Variants in SPRR2G observed in about 807,000 individuals in gnomAD.
The protein encoded by SPRR2G is small proline rich protein 2G, also known as small proline-rich protein 2G.
SPRR2G carries 1 observed loss-of-function variant against 0.7 expected under a neutral mutation model. The observed-to-expected ratio is 1.49, with a 90% CI of 0.53 to 7.06. The LOEUF (loss-of-function observed/expected upper bound fraction) is 7.06, where lower values mean the gene tolerates loss of function less well. SPRR2G is among the 30% of genes most tolerant of loss of function. The probability of loss-of-function intolerance (pLI) is 0.14; values close to 1 mark genes in which losing one functional copy is unlikely to be tolerated. For synonymous variants in SPRR2G, 38 were observed against 33.9 expected (o/e 1.12, Z -0.42); for missense variants, 96 against 88.5 (o/e 1.09, Z -0.34).
chr1:153,189,054 C>T, the SPRR2G span, among the ~76,000 whole-genome samples: 1 of 152,340 alleles, frequency 6.6e-6, no homozygotes, highest in Admixed American at 6.5e-5. Flanking sequence ...CTGCCTTCTG[C>T]GTTGGTCTTG....
the SPRR2G span, among the ~76,000 whole-genome samples, chr1:153,183,333 C>T: frequency 1.3e-4 from 19 of 151,752 alleles, no homozygotes; most frequent in African/African-American, 3.4e-4. Context: ...GTGATCCACC[C>T]GCCTCAGCCT....
At chr1:153,194,851 T>C in the SPRR2G span, among the ~76,000 whole-genome samples, 1 of 152,174 alleles carries the variant, frequency 6.6e-6, no homozygotes, top group African/African-American at 2.4e-5. Flanking sequence ...GAGGCAACCA[T>C]GGCTTTGATC....
chr1:153,167,876 T>G, the SPRR2G span, among the ~76,000 whole-genome samples: 189 of 152,356 alleles, frequency 1.2e-3, 1 homozygote, highest in Non-Finnish European at 2.2e-3. Flanking sequence ...AAAAATACAT[T>G]TTATTTAATC....
the SPRR2G span, among the ~76,000 whole-genome samples, chr1:153,185,173 T>A: frequency 2.0e-5 from 3 of 152,138 alleles, no homozygotes; most frequent in Non-Finnish European, 4.4e-5. Context: ...TTTCTTTTTT[T>A]GTTGTGTCTC....
At chr1:153,183,535 T>G in the SPRR2G span, among the ~76,000 whole-genome samples, 1 of 152,226 alleles carries the variant, frequency 6.6e-6, no homozygotes, top group Non-Finnish European at 1.5e-5. Context: ...AAGTGTCTGT[T>G]CATATCCTTT....
the SPRR2G span, among the ~76,000 whole-genome samples, chr1:153,168,055 C>T: frequency 6.6e-6 from 1 of 152,072 alleles, no homozygotes; most frequent in African/African-American, 2.4e-5. Context: ...GTAGTGTCTC[C>T]ATCAAAGAAG....
chr1:153,160,556 T>G, the SPRR2G span, among the ~76,000 whole-genome samples: 2 of 152,338 alleles, frequency 1.3e-5, no homozygotes, highest in Non-Finnish European at 2.9e-5. Context: ...TCATCAACAC[T>G]TGTTATCCTT....
At chr1:153,152,128 G>T (rs1656483544), upstream of SPRR2G, among the ~76,000 whole-genome samples, 1 of 152,176 alleles carries the variant, frequency 6.6e-6, no homozygotes, top group Admixed American at 6.5e-5. Flanking sequence ...ACATTACATA[G>T]TGGGTCTTCT....
upstream of SPRR2G, among the ~76,000 whole-genome samples, chr1:153,151,763 G>C (rs772146089): frequency 1.2e-3 from 177 of 152,092 alleles, no homozygotes; most frequent in Non-Finnish European, 2.2e-3. Flanking sequence ...AGGATTTCAG[G>C]CTTTCTTTGC....
At chr1:153,178,766 A>G in the SPRR2G span, among the ~76,000 whole-genome samples, 1 of 152,122 alleles carries the variant, frequency 6.6e-6, no homozygotes, top group African/African-American at 2.4e-5. Context: ...TCAAGTTTCA[A>G]TATCAGGGCT....
the SPRR2G span, among the ~76,000 whole-genome samples, chr1:153,157,904 T>A: frequency 1.1e-5 from 1 of 87,546 alleles, no homozygotes; most frequent in African/African-American, 4.6e-5. Flanking sequence ...TCTTACATGG[T>A]GGCAGGAGAC....
the SPRR2G span, among the ~76,000 whole-genome samples, chr1:153,185,924 C>T: frequency 2.0e-5 from 3 of 152,152 alleles, no homozygotes; most frequent in Admixed American, 1.3e-4. Flanking sequence ...CCTTTGTCCT[C>T]ATTGGTTTCA....
chr1:153,149,813 G>C lies in SPRR2G; in HGVS notation c.*76C>G, dbSNP rs1454319024. The C allele has an allele frequency of 1.3e-6, 2 of 1,557,604 alleles. No individual in the cohort carries two copies. Among genetic ancestry groups the C allele is most frequent in the Admixed American group, 1.7e-5 (1 of 58,440 alleles). ...TGCAGCCTCCCACTACAGCTGAAGG[G>C]AAGATGATGGAGTCCTGGGAGTAAG... On this transcript the variant is annotated 3_prime_UTR_variant, in exon 2 of 2. Coordinates refer to ENST00000368748, the MANE Select transcript of SPRR2G (RefSeq NM_001014291.4).
the SPRR2G span, among the ~76,000 whole-genome samples, chr1:153,178,872 G>T: frequency 6.6e-6 from 1 of 152,104 alleles, no homozygotes; most frequent in Non-Finnish European, 1.5e-5. Context: ...TAAGTGTGTG[G>T]TATAATTCAC....
At chr1:153,186,102 T>C in the SPRR2G span, among the ~76,000 whole-genome samples, 10 of 152,212 alleles carry the variant, frequency 6.6e-5, no homozygotes, top group African/African-American at 2.4e-4. Flanking sequence ...TTTCCATTCT[T>C]TTGCATTTGC....
chr1:153,157,597 T>A, the SPRR2G span, among the ~76,000 whole-genome samples: 1 of 152,152 alleles, frequency 6.6e-6, no homozygotes, highest in African/African-American at 2.4e-5. Context: ...ACTAAGCATA[T>A]CCATCACCTC....
chr1:153,196,786 C>T, the SPRR2G span, among the ~76,000 whole-genome samples: 1 of 152,224 alleles, frequency 6.6e-6, no homozygotes, highest in Non-Finnish European at 1.5e-5. Context: ...CCTGAGCCTG[C>T]AGAAGTCACT....
chr1:153,186,910 T>G, the SPRR2G span, among the ~76,000 whole-genome samples: 1 of 152,176 alleles, frequency 6.6e-6, no homozygotes, highest in Non-Finnish European at 1.5e-5. Flanking sequence ...ACAAAATCAC[T>G]CAGCATTTGC....
chr1:153,165,157 CATGGATGGATGGATGGATGGATGG>C, the SPRR2G span, among the ~76,000 whole-genome samples: 1 of 149,060 alleles, frequency 6.7e-6, no homozygotes, highest in Admixed American at 6.7e-5. Context: ...AGAAAGCAAA[CATGGATGGATGGATGGATGGATGG>C]ATGGATGGAT....
Sources: allele counts gnomAD v4.1 joint callset (sites outside exome capture counted in the v4.1 genomes callset), GRCh38; gene constraint gnomAD v4.1.1; transcripts MANE v1.5; gene names NCBI Gene and HGNC (gene_info 2026-07-23, HGNC 2026-07-21).